CYP24A1: variants seen among roughly 807,000 people sequenced by gnomAD.
The protein encoded by CYP24A1 is cytochrome P450 family 24 subfamily A member 1, also known as 1,25-dihydroxyvitamin D(3) 24-hydroxylase, mitochondrial.
CYP24A1 carries 68 observed loss-of-function variants against 62.4 expected under a neutral mutation model. That is an observed-to-expected ratio of 1.09 (90% CI 0.90 to 1.33). The LOEUF (loss-of-function observed/expected upper bound fraction) is 1.33, where lower values mean the gene tolerates loss of function less well. Among genes scored for constraint, CYP24A1 ranks in the 40% most tolerant of loss-of-function variants. CYP24A1 has a pLI of 0.00. For missense variants in CYP24A1, 787 were observed against 653.0 expected, an observed-to-expected ratio of 1.21 and a Z score of -2.24; for synonymous variants, 267 against 253.0, an observed-to-expected ratio of 1.06 and a Z score of -0.52.
At chr20:54,171,114 G>T (rs2092692294) in intron 3 of CYP24A1, among the ~76,000 whole-genome samples, 1 of 152,112 alleles carries the variant, frequency 6.6e-6, no homozygotes, top group Non-Finnish European at 1.5e-5. Context: ...CACTTTCTCT[G>T]CTTTCAGACT....
intron 4 of CYP24A1, among the ~76,000 whole-genome samples, chr20:54,166,432 C>G (rs1202583274): frequency 6.6e-6 from 1 of 152,064 alleles, no homozygotes; most frequent in East Asian, 1.9e-4. Flanking sequence ...AAATGAATAC[C>G]TGAATCCCCC....
the CYP24A1 span, among the ~76,000 whole-genome samples, chr20:54,148,187 CTTTTT>C: frequency 4.7e-5 from 7 of 147,960 alleles, no homozygotes; most frequent in Non-Finnish European, 9.0e-5. Flanking sequence ...CTTTTCTTTT[CTTTTT>C]TTTTTTGAGA....
intron 7 of CYP24A1, among the ~76,000 whole-genome samples, chr20:54,161,780 A>T (rs542229565): frequency 6.6e-6 from 1 of 152,286 alleles, no homozygotes; most frequent in Non-Finnish European, 1.5e-5. Flanking sequence ...CCCACTTTCA[A>T]CCGCCTTGTG....
intron 7 of CYP24A1, among the ~76,000 whole-genome samples, chr20:54,160,060 A>G (rs2092644719): frequency 6.6e-6 from 1 of 152,244 alleles, no homozygotes; most frequent in South Asian, 2.1e-4. Flanking sequence ...CATTTCTGAA[A>G]TTTAAAAGTT....
Position 54,159,181 on chromosome 20 carries a change from T to C in CYP24A1, c.991-58A>G, listed in dbSNP as rs1396855044. On this transcript the variant is annotated intron_variant, in intron 7 of 11. Transcript: ENST00000216862. Reference sequence around the variant, plus strand: ...TGTAAATAACTGCATTAAACCACTATTAGCTGAAAAAAAGGTGATGCCCAC... The same window carrying C: ...TGTAAATAACTGCATTAAACCACTACTAGCTGAAAAAAAGGTGATGCCCAC... 2.1e-6 allele frequency: 3 copies of C among 1,409,882 alleles called. No individual in the cohort carries two copies. The African/African-American group carries it at 4.2e-5, about 20-fold the overall frequency. The allele number at this position is 1,409,882 out of a possible 1,614,324, so 87.3% of individuals were successfully genotyped here.
chr20:54,168,846 T>TTCCTTCCTTCCTTC (rs2092682954), intron 4 of CYP24A1, among the ~76,000 whole-genome samples: 1 of 43,508 alleles, frequency 2.3e-5, no homozygotes, highest in Non-Finnish European at 4.2e-5. Flanking sequence ...CTCCCTCCCT[T>TTCCTTCCTTCCTTC]CTTCCTTCCT....
In CYP24A1 at chr20:54,159,026, T is replaced by C. The variant is rs758075210; in HGVS notation, c.1088A>G (p.Asn363Ser). Residue 363 changes from asparagine (N) to serine (S), a missense_variant, in exon 8 of 12, where the codon AAT (asparagine) becomes AGT (serine). By Grantham distance (46) the Asn-to-Ser change is conservative. Transcript: ENST00000216862. Reference sequence around the variant, plus strand: ...CAAATCTTCTGCCCGTGGCACCTGATTCTCAGGTAATACACTTTGAATTTC... The same window carrying C: ...CAAATCTTCTGCCCGTGGCACCTGACTCTCAGGTAATACACTTTGAATTTC... ...LKEIQSVLPE[N>S]QVPRAEDLRN... 1.9e-6 allele frequency: 3 copies of C among 1,614,126 alleles called. No homozygotes were observed. Among genetic ancestry groups the C allele is most frequent in the Non-Finnish European group, 2.5e-6 (3 of 1,179,960 alleles).
At position 54,162,627 on chromosome 20, in the gene CYP24A1, A is replaced by T. The variant is rs962688665; in HGVS notation, c.990+90T>A. ...AGTTGATGCTAGTGAATCCCAGTGA[A>T]ATGAATGAGATGAATTACTATTTAA... On this transcript the variant is annotated intron_variant, in intron 7 of 11. Transcript: ENST00000216862. The T allele has an allele frequency of 4.8e-5, 33 of 689,146 alleles. No homozygotes were observed. The Admixed American group carries it at 6.5e-4, about 13-fold the overall frequency. The allele number at this position is 689,146 out of a possible 1,614,324, so 42.7% of individuals were successfully genotyped here.
At chr20:54,150,678 G>T (rs1270071406), downstream of CYP24A1, among the ~76,000 whole-genome samples, 1 of 152,222 alleles carries the variant, frequency 6.6e-6, no homozygotes, top group African/African-American at 2.4e-5. Context: ...TAATTCTAGA[G>T]GAGTCATTTC....
chr20:54,158,197 G>A (rs765434732), intron 8 of CYP24A1, 33 bp from the exon 9 acceptor site: 20 of 1,612,298 alleles, frequency 1.2e-5, no homozygotes, highest in South Asian at 4.4e-5. Context: ...GTAAAGGTGA[G>A]CACAGTCTAA....
chr20:54,161,165 C>T (rs1309864301), intron 7 of CYP24A1, among the ~76,000 whole-genome samples: 1 of 152,258 alleles, frequency 6.6e-6, no homozygotes, highest in Non-Finnish European at 1.5e-5. Flanking sequence ...GCTCTGACCA[C>T]ATTTACTAGT....
Position 54,157,496 on chromosome 20 carries a change from CT to C in CYP24A1, c.1325del (p.Gln442ArgfsTer26), listed in dbSNP as rs1412282540. On this transcript the variant is annotated frameshift_variant, in exon 10 of 12. Coordinates refer to ENST00000216862, the MANE Select transcript of CYP24A1 (RefSeq NM_000782.5). LOFTEE classifies it high-confidence loss of function. ...CAAAAGGATTAATTTTTTCCTTCTC[CT>C]GAAGCCAACGTTCAGGTCTAAACTG... Reference protein sequence around the residue: ...SSQFRPERWLQEKEKINPFAH... With the variant: ...SSQFRPERWLXEKEKINPFAH... 4 of 1,600,066 alleles carry C rather than the reference CT, an allele frequency of 2.5e-6. No homozygotes were observed. Among genetic ancestry groups the C allele is most frequent in the Non-Finnish European group, 3.4e-6 (4 of 1,167,350 alleles).
intron 4 of CYP24A1, among the ~76,000 whole-genome samples, chr20:54,166,383 T>C (rs2092672156): frequency 6.6e-6 from 1 of 152,184 alleles, no homozygotes; most frequent in South Asian, 2.1e-4. Flanking sequence ...ACTCTTCATT[T>C]CAAAACTTTT....
chr20:54,157,194 C>G lies in CYP24A1; in HGVS notation c.1530G>C (p.Ala510=), dbSNP rs150155645. 7 of 1,597,308 alleles carry G rather than the reference C, an allele frequency of 4.4e-6. No individual in the cohort carries two copies. In the African/African-American group the frequency reaches 8.0e-5, roughly 18 times the overall value. The change falls in exon 11 of 12, where the codon GCG becomes GCC. Residue 510 remains alanine (A), a synonymous_variant. Transcript: ENST00000216862. ...TLVPSRELPI[A]FCQR is the part of the protein sequence containing the mutation. ...CTGAGGCGTATTATCGCTGGCAAAACGCGATGGGGAGTTCCCGGCTGGGCA... is the reference window on the plus strand; with the variant it reads ...CTGAGGCGTATTATCGCTGGCAAAAGGCGATGGGGAGTTCCCGGCTGGGCA...
intron 6 of CYP24A1, among the ~76,000 whole-genome samples, chr20:54,163,942 C>T (rs535337583): frequency 6.6e-6 from 1 of 152,212 alleles, no homozygotes; most frequent in African/African-American, 2.4e-5. Flanking sequence ...ATAAATTTTA[C>T]TTTTTTATTT....
Position 54,173,425 on chromosome 20 carries a change from G to A in CYP24A1, c.155C>T (p.Thr52Ile), listed in dbSNP as rs1287013160. The A allele has an allele frequency of 6.4e-7, 1 of 1,572,202 alleles. No homozygotes were observed. Among genetic ancestry groups the A allele is most frequent in the Non-Finnish European group, 8.6e-7 (1 of 1,157,980 alleles). Residue 52 changes from threonine (T) to isoleucine (I), a missense_variant, in exon 1 of 12, where the codon ACT becomes ATT. Physicochemically the swap from Thr to Ile is moderately conservative, Grantham distance 89. Coordinates refer to ENST00000216862, the MANE Select transcript of CYP24A1 (RefSeq NM_000782.5). The surrounding 1 kb of genome is among the most constrained non-coding windows in gnomAD (Gnocchi z 7.2). ...PVCPLTAGGETQNAAALPGPT... is the reference protein window; with the variant it reads ...PVCPLTAGGEIQNAAALPGPT... Reference sequence around the variant, plus strand: ...GCCCGGCAGGGCGGCCGCGTTCTGAGTCTCGCCACCAGCTGTCAGCGGGCA... The same window carrying A: ...GCCCGGCAGGGCGGCCGCGTTCTGAATCTCGCCACCAGCTGTCAGCGGGCA...
Position 54,173,330 on chromosome 20 carries a change from C to T in CYP24A1, c.250G>A (p.Asp84Asn), listed in dbSNP as rs754828396. ...LWKGGLKKQH[D>N]TLVEYHKKYG... ...CGCGAAAAGGGGTTTACCAGGGTGT[C>T]GTGCTGTTTCTTGAGACCCCCTTTC... The change falls in exon 1 of 12, where the codon GAC (aspartate) becomes AAC (asparagine). Residue 84 changes from aspartate (D) to asparagine (N), a missense_variant. Transcript: ENST00000216862. The surrounding 1 kb of genome is among the most constrained non-coding windows in gnomAD (Gnocchi z 7.2). 18 of 1,608,864 alleles carry T rather than the reference C, an allele frequency of 1.1e-5. No homozygotes were observed. In the South Asian group the frequency reaches 1.6e-4, roughly 14 times the overall value.
chr20:54,147,830 A>C, the CYP24A1 span, among the ~76,000 whole-genome samples: 1 of 151,562 alleles, frequency 6.6e-6, no homozygotes, highest in African/African-American at 2.4e-5. Flanking sequence ...TGCTTCCAGC[A>C]CTCAGTTCTT....
chr20:54,162,779 G>C lies in CYP24A1; in HGVS notation c.928C>G (p.Arg310Gly), dbSNP rs758491296. The change falls in exon 7 of 12, where the codon CGG becomes GGG. Residue 310 changes from arginine (R) to glycine (G), a missense_variant. By Grantham distance (125) the Arg-to-Gly change is moderately radical. Coordinates refer to ENST00000216862, the MANE Select transcript of CYP24A1 (RefSeq NM_000782.5). The part of the protein sequence containing the change: ...DFLCDIYHQN[R>G]LSKKELYAAV... The stretch of plus-strand genomic sequence containing the variant: ...GCATACAATTCTTTCTTTGAAAGCC[G>C]ATTCTGGTGATAAATGTCACAAAGG... 6.4e-7 allele frequency: 1 copy of C among 1,572,276 alleles called. No individual in the cohort carries two copies. The highest frequency in any genetic ancestry group is 2.2e-5 in the East Asian group (1 of 44,648).
Sources: gnomAD v4.1 joint callset for allele counts (sites outside exome capture counted in the v4.1 genomes callset) on GRCh38, gnomAD v4.1.1 for gene constraint, Gnocchi (gnomAD v3.1) non-coding constraint, MANE v1.5 for transcripts, NCBI Gene and HGNC (gene_info 2026-07-23, HGNC 2026-07-21) for gene names.